NKAIN2: variants seen among roughly 807,000 people sequenced by gnomAD.
NKAIN2 encodes sodium/potassium-transporting ATPase subunit beta-1-interacting protein 2.
NKAIN2 carries 14 observed loss-of-function variants against 32.6 expected under a neutral mutation model. That is an observed-to-expected ratio of 0.43 (90% CI 0.28 to 0.67). The LOEUF (loss-of-function observed/expected upper bound fraction) is 0.67. NKAIN2 is among the 30% of genes least tolerant of loss of function. NKAIN2 has a pLI of 0.17. For synonymous variants in NKAIN2, 80 were observed against 87.2 expected (o/e 0.92, Z 0.46); for missense variants, 198 against 258.3 (o/e 0.77, Z 1.60).
At chr6:124,773,523 G>A (rs1258493231) in intron 4 of NKAIN2, among the ~76,000 whole-genome samples, 1 of 152,130 alleles carries the variant, frequency 6.6e-6, no homozygotes, top group Non-Finnish European at 1.5e-5. Flanking sequence ...TTATAGGCCT[G>A]CAGGCTGGAT....
intron 1 of NKAIN2, among the ~76,000 whole-genome samples, chr6:123,984,068 C>A (rs563642676): frequency 2.0e-5 from 3 of 152,006 alleles, no homozygotes; most frequent in African/African-American, 7.2e-5. Flanking sequence ...CCACCACACC[C>A]GGCTAATTTT....
At chr6:124,660,536 C>G (rs575549896) in intron 4 of NKAIN2, among the ~76,000 whole-genome samples, 1 of 152,312 alleles carries the variant, frequency 6.6e-6, no homozygotes, top group East Asian at 1.9e-4. Flanking sequence ...TTGCTAAGAA[C>G]AGATGTGACC....
rs186601594 is a variant in NKAIN2 at position 124,592,537 on chromosome 6, A to G, written c.274-65649A>G. Among the ~76,000 whole-genome samples the G allele has an allele frequency of 4.6e-5, 7 of 152,332 alleles. No individual in the cohort carries two copies. The East Asian group carries it at 1.2e-3, about 25-fold the overall frequency. Reference sequence around the variant, plus strand: ...TGAAAGGGCATAGAATGGGAAAGCTAAAGTATGCCTGGGCTATAAAGCTTT... The same window carrying G: ...TGAAAGGGCATAGAATGGGAAAGCTGAAGTATGCCTGGGCTATAAAGCTTT... On this transcript the variant is annotated intron_variant, in intron 3 of 6. Transcript: ENST00000368417.
chr6:124,330,212 A>G (rs2626130), intron 2 of NKAIN2, among the ~76,000 whole-genome samples: 70,880 of 152,046 alleles, frequency 0.47, 17,645 homozygotes, highest in African/African-American at 0.65. Context: ...TGAGGTCCTC[A>G]TTGCCAGCTA....
chr6:124,104,675 G>C (rs1031566127), intron 1 of NKAIN2, among the ~76,000 whole-genome samples: 3 of 152,218 alleles, frequency 2.0e-5, no homozygotes, highest in Non-Finnish European at 2.9e-5. Context: ...TAATGTTGGA[G>C]ATTCATGAAT....
At chr6:124,401,448 C>T (rs1773621792) in intron 3 of NKAIN2, among the ~76,000 whole-genome samples, 1 of 152,160 alleles carries the variant, frequency 6.6e-6, no homozygotes, top group Non-Finnish European at 1.5e-5. Flanking sequence ...TACCCATTGT[C>T]TCTAGATGCT....
intron 3 of NKAIN2, among the ~76,000 whole-genome samples, chr6:124,633,844 C>T (rs1038183439): frequency 1.3e-5 from 2 of 152,152 alleles, no homozygotes; most frequent in African/African-American, 4.8e-5. Flanking sequence ...TTGCTTCCTC[C>T]ACTGGTAGAG....
chr6:124,290,022 C>G (rs1013182053), intron 2 of NKAIN2, among the ~76,000 whole-genome samples: 3 of 150,850 alleles, frequency 2.0e-5, no homozygotes, highest in African/African-American at 4.9e-5. Flanking sequence ...GAAAATAAGT[C>G]TTTTCCCATA....
At chr6:124,410,497 T>G (rs1289960994) in intron 3 of NKAIN2, among the ~76,000 whole-genome samples, 1 of 152,208 alleles carries the variant, frequency 6.6e-6, no homozygotes, top group Non-Finnish European at 1.5e-5. Flanking sequence ...TCCATGTAGT[T>G]GAGCGGTTTT....
intron 1 of NKAIN2, among the ~76,000 whole-genome samples, chr6:124,221,248 A>C (rs939984132): frequency 2.6e-5 from 4 of 152,166 alleles, no homozygotes; most frequent in East Asian, 1.9e-4. Flanking sequence ...GAGTTCATGT[A>C]CTTTGTAGGG....
intron 3 of NKAIN2, among the ~76,000 whole-genome samples, chr6:124,457,418 C>T (rs937400530): frequency 2.6e-5 from 4 of 151,850 alleles, no homozygotes; most frequent in South Asian, 4.1e-4. Context: ...TAAGCCTTCC[C>T]GAAGTCATAA....
At chr6:123,946,344 T>C (rs1234799426) in intron 1 of NKAIN2, among the ~76,000 whole-genome samples, 2 of 152,160 alleles carry the variant, frequency 1.3e-5, no homozygotes, top group Admixed American at 1.3e-4. Context: ...AATATATTTA[T>C]TTGAAGTAAT....
chr6:124,026,411 A>G (rs1562315562), intron 1 of NKAIN2, among the ~76,000 whole-genome samples: 1 of 151,982 alleles, frequency 6.6e-6, no homozygotes, highest in Non-Finnish European at 1.5e-5. Context: ...GTTCCTAGTA[A>G]CTCTTTATGA....
intron 3 of NKAIN2, among the ~76,000 whole-genome samples, chr6:124,591,987 A>G (rs1307246833): frequency 6.6e-6 from 1 of 152,184 alleles, no homozygotes; most frequent in Non-Finnish European, 1.5e-5. Flanking sequence ...CTAAGGTCAC[A>G]TAGTTAATAA....
intron 2 of NKAIN2, among the ~76,000 whole-genome samples, chr6:124,333,630 G>A (rs1050096584): frequency 7.9e-5 from 12 of 151,668 alleles, no homozygotes; most frequent in South Asian, 2.1e-4. Context: ...ACTGCACTCC[G>A]GCCTAGGTGA....
chr6:123,889,890 A>C (rs1178421447), intron 1 of NKAIN2, among the ~76,000 whole-genome samples: 9 of 152,104 alleles, frequency 5.9e-5, no homozygotes, highest in Admixed American at 3.9e-4. Flanking sequence ...GAAATATTTT[A>C]ATTTTCTCTT....
At chr6:124,779,397 A>G (rs1779158410) in intron 4 of NKAIN2, among the ~76,000 whole-genome samples, 1 of 151,952 alleles carries the variant, frequency 6.6e-6, no homozygotes, top group South Asian at 2.1e-4. Flanking sequence ...TCCTGTCACT[A>G]TTTAATCATG....
At chr6:124,718,152 T>G (rs966652301) in intron 4 of NKAIN2, among the ~76,000 whole-genome samples, 1 of 152,118 alleles carries the variant, frequency 6.6e-6, no homozygotes, top group African/African-American at 2.4e-5. Flanking sequence ...ATAATCACAA[T>G]TGTGCAACCA....
chr6:123,956,290 A>G (rs930012803), intron 1 of NKAIN2, among the ~76,000 whole-genome samples: 5 of 152,212 alleles, frequency 3.3e-5, no homozygotes, highest in Non-Finnish European at 4.4e-5. Flanking sequence ...GTGAAAATTC[A>G]TATGTTGAAG....
Sources: allele counts gnomAD v4.1 joint callset (sites outside exome capture counted in the v4.1 genomes callset), GRCh38; gene constraint gnomAD v4.1.1; transcripts MANE v1.5; gene names NCBI Gene and HGNC (gene_info 2026-07-23, HGNC 2026-07-21).